CNTNAP2: variants seen among roughly 807,000 people sequenced by gnomAD.
The protein encoded by CNTNAP2 is contactin associated protein 2, also known as contactin-associated protein-like 2.
Under a neutral mutation model 155.2 loss-of-function variants are expected in CNTNAP2, and 98 were observed. The ratio of observed to expected loss-of-function variants is 0.63; its 90% CI spans 0.54 to 0.75. CNTNAP2 has a LOEUF of 0.75. CNTNAP2 is among the 30% of genes least tolerant of loss of function. The pLI is 0.00. For missense variants in CNTNAP2, 1,727 were observed against 1,688.1 expected, an observed-to-expected ratio of 1.02 and a Z score of -0.40; for synonymous variants, 651 against 631.2, an observed-to-expected ratio of 1.03 and a Z score of -0.47.
intron 8 of CNTNAP2, among the ~76,000 whole-genome samples, chr7:147,138,778 T>C (rs1322354650): frequency 2.0e-5 from 3 of 152,044 alleles, no homozygotes; most frequent in African/African-American, 7.2e-5. Flanking sequence ...TTTTGAGCCT[T>C]TTAAAATGTT....
rs1045062306 is a variant in CNTNAP2, at chr7:146,946,342, T to C, written c.403-97565T>C. ...CATAGAAATAAAAGTTCATTGTTTTTATGTTATTTGTCTAAATATATTTCC... is the reference window on the plus strand; with the variant it reads ...CATAGAAATAAAAGTTCATTGTTTTCATGTTATTTGTCTAAATATATTTCC... On this transcript the variant is annotated intron_variant, in intron 3 of 23. Coordinates refer to ENST00000361727, the MANE Select transcript of CNTNAP2 (RefSeq NM_014141.6). Among the ~76,000 whole-genome samples, 5 of 152,176 alleles carry C rather than the reference T, an allele frequency of 3.3e-5. No homozygotes were observed. The East Asian group carries it at 9.6e-4, about 29-fold the overall frequency.
intron 1 of CNTNAP2, among the ~76,000 whole-genome samples, chr7:146,459,877 T>C (rs1390378015): frequency 1.3e-5 from 2 of 151,988 alleles, no homozygotes; most frequent in Non-Finnish European, 2.9e-5. Context: ...GGCTGAGGCA[T>C]GAGAATTGCT....
chr7:147,887,060 A>G (rs1012112482), intron 13 of CNTNAP2, among the ~76,000 whole-genome samples: 6 of 152,340 alleles, frequency 3.9e-5, no homozygotes, highest in East Asian at 1.9e-4. Context: ...GTCACATTGT[A>G]TAATAAAATA....
chr7:148,280,679 A>G (rs112193585), intron 21 of CNTNAP2, among the ~76,000 whole-genome samples: 23,770 of 151,956 alleles, frequency 0.16, 2,493 homozygotes, highest in African/African-American at 0.3. Flanking sequence ...AGCACTTTGG[A>G]AGGCTGAGGC....
chr7:147,736,357 T>C (rs1796844010), intron 13 of CNTNAP2, among the ~76,000 whole-genome samples: 1 of 152,258 alleles, frequency 6.6e-6, no homozygotes, highest in South Asian at 2.1e-4. Context: ...GCCCCCACTC[T>C]CTTCTGGCTT....
At position 147,525,185 on chromosome 7, in the gene CNTNAP2, T is replaced by C. The variant is rs116681810; in HGVS notation, c.1778-36953T>C. On this transcript the variant is annotated intron_variant, in intron 11 of 23. Transcript: ENST00000361727. ...CATAACATTCTCATACATCTTTAAGTTGAGAATCAGAAACATGTCTTTGTT... is the reference window on the plus strand; with the variant it reads ...CATAACATTCTCATACATCTTTAAGCTGAGAATCAGAAACATGTCTTTGTT... Among the ~76,000 whole-genome samples, 830 of 152,310 alleles carry C rather than the reference T, an allele frequency of 5.4e-3. 6 individuals carry two copies. Among genetic ancestry groups the C allele is most frequent in the African/African-American group, 0.018 (768 of 41,568 alleles).
chr7:146,224,962 C>G (rs1562996571), intron 1 of CNTNAP2, among the ~76,000 whole-genome samples: 1 of 151,752 alleles, frequency 6.6e-6, no homozygotes, highest in Non-Finnish European at 1.5e-5. Flanking sequence ...GGATTGATCA[C>G]TCAATTACAT....
At chr7:146,580,024 T>C (rs1798587140) in intron 1 of CNTNAP2, among the ~76,000 whole-genome samples, 1 of 152,138 alleles carries the variant, frequency 6.6e-6, no homozygotes, top group South Asian at 2.1e-4. Context: ...AAACACACTC[T>C]TTCCCCTCAC....
chr7:147,924,282 G>A (rs922340348), intron 14 of CNTNAP2, among the ~76,000 whole-genome samples: 3 of 151,780 alleles, frequency 2.0e-5, no homozygotes, highest in Admixed American at 6.6e-5. Context: ...GGGATTACAG[G>A]CATGTACCAC....
intron 8 of CNTNAP2, among the ~76,000 whole-genome samples, chr7:147,226,234 A>G (rs1478522100): frequency 4.6e-5 from 7 of 152,274 alleles, no homozygotes; most frequent in East Asian, 3.9e-4. Flanking sequence ...AATTGTCACC[A>G]TAGGCCCTCA....
intron 21 of CNTNAP2, among the ~76,000 whole-genome samples, chr7:148,290,538 C>T (rs1055838967): frequency 6.6e-6 from 1 of 152,182 alleles, no homozygotes; most frequent in Admixed American, 6.5e-5. Context: ...GGGAATTTAT[C>T]TTCACTTTAT....
chr7:146,431,056 A>G (rs1025056726), intron 1 of CNTNAP2, among the ~76,000 whole-genome samples: 1 of 152,000 alleles, frequency 6.6e-6, no homozygotes, highest in African/African-American at 2.4e-5. Context: ...TCAGTGTTAG[A>G]TGTAAAATGT....
At chr7:146,901,710 G>A (rs1185494726) in intron 3 of CNTNAP2, among the ~76,000 whole-genome samples, 1 of 152,056 alleles carries the variant, frequency 6.6e-6, no homozygotes, top group Non-Finnish European at 1.5e-5. Flanking sequence ...AAAAGACAAA[G>A]TCAGTTGTAT....
intron 1 of CNTNAP2, among the ~76,000 whole-genome samples, chr7:146,583,633 G>C (rs1478315127): frequency 2.0e-5 from 3 of 152,104 alleles, no homozygotes. Flanking sequence ...GTTTAAATCA[G>C]TTCTTATAAA....
chr7:147,110,452 T>C (rs537839413), intron 5 of CNTNAP2, among the ~76,000 whole-genome samples: 1 of 152,254 alleles, frequency 6.6e-6, no homozygotes, highest in African/African-American at 2.4e-5. Context: ...GACGGTTGTC[T>C]GCACAGATCA....
intron 8 of CNTNAP2, among the ~76,000 whole-genome samples, chr7:147,189,961 A>C (rs533467229): frequency 2.6e-5 from 4 of 151,924 alleles, no homozygotes; most frequent in African/African-American, 4.8e-5. Flanking sequence ...AGCCAGGATG[A>C]TCTCCATCTC....
intron 1 of CNTNAP2, among the ~76,000 whole-genome samples, chr7:146,751,690 T>C (rs865875548): frequency 1.3e-5 from 2 of 152,154 alleles, no homozygotes; most frequent in African/African-American, 2.4e-5. Context: ...ACATGTGCCA[T>C]GGTGGTTTGC....
At position 148,059,647 on chromosome 7, in the gene CNTNAP2, A is replaced by ATCTG. The variant is rs537817154; in HGVS notation, c.2384-58470_2384-58467dup. Reference sequence around the variant, plus strand: ...AAATTCATCATGCTGTATACTTATAATCTGAGTATTTTTCTTCATGTAGGT... The same window carrying ATCTG: ...AAATTCATCATGCTGTATACTTATAATCTGTCTGAGTATTTTTCTTCATGTAGGT... On this transcript the variant is annotated intron_variant, in intron 15 of 23. Coordinates refer to ENST00000361727, the MANE Select transcript of CNTNAP2 (RefSeq NM_014141.6). 3.5e-3 allele frequency among the ~76,000 whole-genome samples: 521 copies of ATCTG among 150,352 alleles called. 1 individual carries two copies. The highest frequency in any genetic ancestry group is 0.012 in the African/African-American group (494 of 41,272).
At chr7:146,930,313 C>T (rs970596382) in intron 3 of CNTNAP2, among the ~76,000 whole-genome samples, 2 of 151,994 alleles carry the variant, frequency 1.3e-5, no homozygotes, top group Admixed American at 1.3e-4. Context: ...AATTTTCAAC[C>T]CAGAATTTCA....
Sources: gnomAD v4.1 joint callset for allele counts (sites outside exome capture counted in the v4.1 genomes callset) on GRCh38, gnomAD v4.1.1 for gene constraint, MANE v1.5 for transcripts, NCBI Gene and HGNC (gene_info 2026-07-23, HGNC 2026-07-21) for gene names.